Variants in CYB561A3 observed in about 807,000 individuals in gnomAD.
CYB561A3 encodes cytochrome b561 family member A3.
In CYB561A3, 16 loss-of-function variants were observed where a neutral mutation model predicts 25.3. That is an observed-to-expected ratio of 0.63 (90% confidence interval 0.43 to 0.96). The LOEUF is 0.96. Ranked by LOEUF, CYB561A3 falls within the 40% of genes least tolerant of loss-of-function variation. The pLI, the probability that CYB561A3 is intolerant of heterozygous loss-of-function variation, is 0.00. For missense variants in CYB561A3, 219 were observed against 307.5 expected, an observed-to-expected ratio of 0.71 and a Z score of 2.15; for synonymous variants, 131 against 129.9, an observed-to-expected ratio of 1.01 and a Z score of -0.06.
chr11:61,354,315 C>T, intron 3 of CYB561A3: 1 of 356,770 alleles, frequency 2.8e-6, no homozygotes, highest in East Asian at 5.8e-5. Flanking sequence ...TATGATCATG[C>T]CACTGCAATC....
intron 2 of CYB561A3, chr11:61,357,205 TAG>T: frequency 6.4e-7 from 1 of 1,551,430 alleles, no homozygotes; most frequent in Non-Finnish European, 8.7e-7. Flanking sequence ...ACTATTACCC[TAG>T]ACAGGAAGGA....
At chr11:61,357,570 C>T (rs1322159568) in intron 2 of CYB561A3, among the ~76,000 whole-genome samples, 163 bp downstream of exon 2, 1 of 152,230 alleles carries the variant, frequency 6.6e-6, no homozygotes, top group Non-Finnish European at 1.5e-5. Context: ...GCCCTGCTTT[C>T]AGCTAATATG....
At chr11:61,354,142 C>T in intron 3 of CYB561A3, 150 bp from the exon 4 acceptor site, 1 of 763,300 alleles carries the variant, frequency 1.3e-6, no homozygotes, top group Non-Finnish European at 2.1e-6. Context: ...ATCTTCTACC[C>T]TCCCATGATT....
At position 61,353,934 on chromosome 11, in the gene CYB561A3, G is replaced by A. The variant is rs189127307; in HGVS notation, c.243C>T (p.Leu81=). 40 of 1,614,198 alleles carry A rather than the reference G, an allele frequency of 2.5e-5. 1 individual carries two copies. In the Admixed American group the frequency reaches 5.3e-4, roughly 22 times the overall value. The change falls in exon 4 of 7, where the codon CTC becomes CTT. Residue 81 remains leucine (L), a synonymous_variant. Coordinates refer to ENST00000294072, the MANE Select transcript of CYB561A3 (RefSeq NM_153611.6). The stretch of plus-strand genomic sequence containing the variant: ...CCATCAGGTGCAGCGCTGCATGGAG[G>A]AGTTTCCAGGGCAGTTTGGGCCCCA... ...SWVGPKLPWK[L]LHAALHLMAF...
chr11:61,352,973 C>A lies in CYB561A3; in HGVS notation c.548+12G>T. 1 of 1,614,114 alleles carries A rather than the reference C, an allele frequency of 6.2e-7. No homozygotes were observed. The highest frequency in any genetic ancestry group is 8.5e-7 in the Non-Finnish European group (1 of 1,180,014). ...CTCTTCACCTTAGAGTTGGGGACCC[C>A]ACTGCACTCACAAACTGAAGAAAAG... On this transcript the variant is annotated intron_variant, in intron 5 of 6. Coordinates refer to ENST00000294072, the MANE Select transcript of CYB561A3 (RefSeq NM_153611.6).
chr11:61,352,039 C>A (rs1034760862), intron 5 of CYB561A3: 3 of 152,186 alleles, frequency 2.0e-5, no homozygotes, highest in Non-Finnish European at 2.9e-5. Flanking sequence ...CTGTAATAAT[C>A]CTTTTACCCA....
chr11:61,353,774 G>C lies in CYB561A3; in HGVS notation c.393+10C>G. On this transcript the variant is annotated intron_variant, in intron 4 of 6. Coordinates refer to ENST00000294072, the MANE Select transcript of CYB561A3 (RefSeq NM_153611.6). ...TGGGAACCTCGAGGAGGAGAACAGA[G>C]AGAACCCACCTGGCAGGCGAAGAGG... 1 of 1,614,126 alleles carries C rather than the reference G, an allele frequency of 6.2e-7. No individual in the cohort carries two copies. The highest frequency in any genetic ancestry group is 8.5e-7 in the Non-Finnish European group (1 of 1,180,014).
intron 3 of CYB561A3, chr11:61,356,205 T>C (rs544447836): frequency 1.1e-5 from 3 of 285,158 alleles, no homozygotes; most frequent in African/African-American, 6.4e-5. Flanking sequence ...TGTGTATGTG[T>C]TGTCTATGGC....
At chr11:61,358,728 A>C (rs993522535) in intron 1 of CYB561A3, 1 of 151,862 alleles carries the variant, frequency 6.6e-6, no homozygotes, top group East Asian at 2.0e-4. Context: ...ACTCCATCTA[A>C]AAATATATAT....
rs527592337 is a variant in CYB561A3 at position 61,353,014 on chromosome 11, C to G, written c.519G>C (p.Ser173=). 6.2e-6 allele frequency: 10 copies of G among 1,613,928 alleles called. No individual in the cohort carries two copies. In the East Asian group the frequency reaches 6.7e-5, roughly 11 times the overall value. The change falls in exon 5 of 7, where the codon TCG becomes TCC. Residue 173 remains serine, a synonymous_variant. Transcript: ENST00000294072. The part of the protein sequence containing the change: ...ILSLSIASVI[S]GINEKLFFSL... ...TGAAGAAAAGCTTCTCATTAATGCC[C>G]GAAATGACGGATGCGATGGACAGAG...
intron 3 of CYB561A3, chr11:61,354,741 T>C (rs1857575225): frequency 6.6e-6 from 1 of 152,206 alleles, no homozygotes; most frequent in Non-Finnish European, 1.5e-5. Context: ...AAAAGCATCA[T>C]GACAGTCATT....
intron 1 of CYB561A3, 27 bp downstream of exon 1, chr11:61,361,705 GA>G (rs1463714525): frequency 6.6e-6 from 1 of 152,356 alleles, no homozygotes; most frequent in African/African-American, 2.4e-5. Flanking sequence ...CCAGGTCCCT[GA>G]ACTCCCAGCC....
At chr11:61,350,957 G>A in intron 6 of CYB561A3, 34 bp downstream of exon 6, 1 of 1,598,566 alleles carries the variant, frequency 6.3e-7, no homozygotes, top group Non-Finnish European at 8.5e-7. Context: ...ACCTGGCCCT[G>A]TCCCACCCTG....
At chr11:61,355,344 GC>G in intron 3 of CYB561A3, among the ~76,000 whole-genome samples, 2 of 152,236 alleles carry the variant, frequency 1.3e-5, no homozygotes, top group African/African-American at 2.4e-5. Flanking sequence ...GCTCACCAGG[GC>G]CCCAAGGCAC....
chr11:61,352,102 C>CT (rs1474615455), intron 5 of CYB561A3: 1 of 152,200 alleles, frequency 6.6e-6, no homozygotes, highest in Non-Finnish European at 1.5e-5. Flanking sequence ...AGTTGCATAA[C>CT]TAGTAAATGG....
chr11:61,350,479 G>A, intron 6 of CYB561A3, 57 bp from the exon 7 acceptor site: 2 of 1,598,406 alleles, frequency 1.3e-6, no homozygotes, highest in Admixed American at 1.7e-5. Flanking sequence ...GTCACACCAG[G>A]CCCAAGCTGT....
chr11:61,358,840 A>AGCCAT (rs1183947372), intron 1 of CYB561A3: 1 of 152,288 alleles, frequency 6.6e-6, no homozygotes, highest in African/African-American at 2.4e-5. Flanking sequence ...AGTGGCCCTC[A>AGCCAT]GCCATGCCAT....
chr11:61,350,796 G>C (rs968687891), intron 6 of CYB561A3, 195 bp downstream of exon 6: 10 of 724,312 alleles, frequency 1.4e-5, no homozygotes, highest in Middle Eastern at 8.1e-4. Context: ...AGACTGGGGA[G>C]TCCCAGCATT....
In CYB561A3 at chr11:61,353,152, G is replaced by T; in HGVS notation, c.394-13C>A. On this transcript the variant is annotated splice_polypyrimidine_tract_variant and intron_variant, in intron 4 of 6. Transcript: ENST00000294072. ...AGCCCAGGAACCACTGTGGACAAAA[G>T]GGAGGACACACCCGACTGTGCTATG... The T allele has an allele frequency of 1.3e-6, 2 of 1,593,128 alleles. No homozygotes were observed. The highest frequency in any genetic ancestry group is 1.7e-6 in the Non-Finnish European group (2 of 1,170,974).
Sources: allele counts gnomAD v4.1 joint callset (sites outside exome capture counted in the v4.1 genomes callset), GRCh38; gene constraint gnomAD v4.1.1; transcripts MANE v1.5; gene names NCBI Gene and HGNC (gene_info 2026-07-23, HGNC 2026-07-21).